The following ERC2 variants were observed in gnomAD, a reference collection of about 807,000 sequenced individuals.
ERC2 encodes ERC protein 2.
ERC2 carries 42 observed loss-of-function variants against 114.8 expected under a neutral mutation model. That is an observed-to-expected ratio of 0.37 (90% CI 0.29 to 0.47). The LOEUF (loss-of-function observed/expected upper bound fraction) is 0.47. ERC2 is among the 20% of genes least tolerant of loss of function. The pLI is 0.99. For synonymous variants in ERC2, 454 were observed against 425.5 expected (o/e 1.07, Z -0.82); for missense variants, 939 against 1,150.7 (o/e 0.82, Z 2.66).
At chr3:55,867,575 AAATGCAAT>A (rs2062383785) in intron 14 of ERC2, among the ~76,000 whole-genome samples, 1 of 152,238 alleles carries the variant, frequency 6.6e-6, no homozygotes, top group Non-Finnish European at 1.5e-5. Context: ...AATTGTAACA[AAATGCAAT>A]CGCATCTATG....
intron 2 of ERC2, among the ~76,000 whole-genome samples, chr3:56,311,166 T>C (rs1158595209): frequency 1.3e-5 from 2 of 149,188 alleles, no homozygotes; most frequent in Non-Finnish European, 3.0e-5. Flanking sequence ...AGGGCACATG[T>C]GATAATTTAA....
chr3:56,329,991 T>C (rs562630532), intron 2 of ERC2, among the ~76,000 whole-genome samples: 1 of 151,640 alleles, frequency 6.6e-6, no homozygotes, highest in Non-Finnish European at 1.5e-5. Context: ...AATATACATA[T>C]ATATTTCCAA....
intron 2 of ERC2, among the ~76,000 whole-genome samples, chr3:56,414,074 A>C (rs2061047116): frequency 6.6e-6 from 1 of 152,206 alleles, no homozygotes; most frequent in African/African-American, 2.4e-5. Flanking sequence ...GAAGTTCAAG[A>C]ACCATGGGCA....
chr3:56,008,783 T>C (rs1373085098), intron 9 of ERC2, among the ~76,000 whole-genome samples: 1 of 152,204 alleles, frequency 6.6e-6, no homozygotes, highest in Admixed American at 6.6e-5. Flanking sequence ...GAAAGGCCTA[T>C]GAGCAGAATT....
At chr3:56,076,254 G>T (rs933674030) in intron 7 of ERC2, among the ~76,000 whole-genome samples, 1 of 152,142 alleles carries the variant, frequency 6.6e-6, no homozygotes, top group Non-Finnish European at 1.5e-5. Context: ...AAAGAAAATG[G>T]AGATAGAATT....
chr3:56,289,182 T>C (rs2054918967), intron 3 of ERC2, among the ~76,000 whole-genome samples: 1 of 152,102 alleles, frequency 6.6e-6, no homozygotes. Context: ...GCCTGCCCAC[T>C]GCTGTACCAT....
At chr3:55,988,349 C>T (rs537979332) in intron 11 of ERC2, among the ~76,000 whole-genome samples, 2 of 152,280 alleles carry the variant, frequency 1.3e-5, no homozygotes, top group South Asian at 4.1e-4. Flanking sequence ...GGCAGAAGCT[C>T]CCCACTGGGC....
chr3:55,604,350 C>CTA (rs1171769058), intron 17 of ERC2, among the ~76,000 whole-genome samples: 1 of 151,982 alleles, frequency 6.6e-6, no homozygotes, highest in East Asian at 1.9e-4. Flanking sequence ...TATTACACAT[C>CTA]TATATATATA....
At chr3:56,251,969 A>G (rs1161414373) in intron 3 of ERC2, among the ~76,000 whole-genome samples, 3 of 152,190 alleles carry the variant, frequency 2.0e-5, no homozygotes, top group African/African-American at 4.8e-5. Context: ...CTGGTCCTCA[A>G]TTGAAGTAAT....
At chr3:56,441,134 G>T (rs370168002) in intron 1 of ERC2, among the ~76,000 whole-genome samples, 11 of 152,310 alleles carry the variant, frequency 7.2e-5, no homozygotes, top group African/African-American at 2.6e-4. Context: ...ATGATGCAAA[G>T]AAGTCCAAGC....
chr3:55,917,796 T>C (rs2065189344), intron 13 of ERC2, among the ~76,000 whole-genome samples: 1 of 152,196 alleles, frequency 6.6e-6, no homozygotes. Flanking sequence ...GTGAATTATA[T>C]CTCAATAAGG....
intron 13 of ERC2, among the ~76,000 whole-genome samples, chr3:55,918,468 G>A (rs539974822): frequency 1.1e-4 from 17 of 152,212 alleles, no homozygotes; most frequent in Admixed American, 3.9e-4. Flanking sequence ...TTAAAGATGT[G>A]TGAAAATTAT....
intron 2 of ERC2, among the ~76,000 whole-genome samples, chr3:56,346,645 TAC>T (rs935441158): frequency 3.9e-5 from 6 of 152,242 alleles, no homozygotes; most frequent in African/African-American, 1.4e-4. Flanking sequence ...CAATGGGCTA[TAC>T]AGTTTGTCAA....
chr3:55,628,360 G>A (rs2059609275), intron 17 of ERC2, among the ~76,000 whole-genome samples: 1 of 151,184 alleles, frequency 6.6e-6, no homozygotes. Context: ...TAAACATTTT[G>A]TTGCATTTTA....
intron 13 of ERC2, among the ~76,000 whole-genome samples, chr3:55,912,867 C>G (rs7627809): frequency 0.064 from 9,760 of 152,202 alleles, 413 homozygotes; most frequent in Non-Finnish European, 0.096. Context: ...AAGCACAAAC[C>G]CAGGACCCAG....
intron 7 of ERC2, among the ~76,000 whole-genome samples, chr3:56,060,104 T>A (rs556102190): frequency 3.3e-5 from 5 of 152,324 alleles, no homozygotes; most frequent in Non-Finnish European, 7.3e-5. Context: ...TTTACCATTT[T>A]AAAAAAATTA....
intron 12 of ERC2, among the ~76,000 whole-genome samples, chr3:55,954,894 A>C (rs2067832886): frequency 6.6e-6 from 1 of 152,088 alleles, no homozygotes; most frequent in East Asian, 1.9e-4. Context: ...ACAACTGTAA[A>C]AGTAAAAATT....
intron 17 of ERC2, chr3:55,646,956 T>C (rs2060422769): frequency 6.6e-6 from 1 of 152,118 alleles, no homozygotes; most frequent in Non-Finnish European, 1.5e-5. Context: ...GCTCCCTTTT[T>C]CCATCCAACA....
intron 2 of ERC2, among the ~76,000 whole-genome samples, chr3:56,402,185 A>G (rs2060544095): frequency 1.3e-5 from 2 of 152,206 alleles, no homozygotes; most frequent in Admixed American, 6.5e-5. Context: ...GAGCCAAACC[A>G]TATCAGGCAG....
Sources: gnomAD v4.1 joint callset for allele counts (sites outside exome capture counted in the v4.1 genomes callset) on GRCh38, gnomAD v4.1.1 for gene constraint, MANE v1.5 for transcripts, NCBI Gene and HGNC (gene_info 2026-07-23, HGNC 2026-07-21) for gene names.